EIF4H: variants seen among roughly 807,000 people sequenced by gnomAD.
The protein encoded by EIF4H is Williams-Beuren syndrome chromosome region 1.
A neutral mutation model predicts 30.6 loss-of-function variants in EIF4H; 8 were observed. The observed-to-expected ratio is 0.26, with a 90% CI of 0.15 to 0.47. EIF4H has a LOEUF of 0.47. Among genes scored for constraint, EIF4H ranks in the 20% least tolerant of loss-of-function variants. The pLI is 0.99. For synonymous variants in EIF4H, 106 were observed against 122.7 expected (o/e 0.86, Z 0.90); for missense variants, 188 against 339.5 (o/e 0.55, Z 3.51).
At chr7:74,175,271 C>A (rs1354597770) in intron 1 of EIF4H, among the ~76,000 whole-genome samples, 1 of 152,060 alleles carries the variant, frequency 6.6e-6, no homozygotes, top group Non-Finnish European at 1.5e-5. Flanking sequence ...GGACTCTGCA[C>A]TTTTTTTTAT....
intron 1 of EIF4H, among the ~76,000 whole-genome samples, chr7:74,184,245 G>A (rs1035385924): frequency 6.6e-5 from 10 of 152,120 alleles, no homozygotes; most frequent in Non-Finnish European, 1.2e-4. Context: ...CATCTTACTG[G>A]CATTCACCTG....
At chr7:74,192,294 G>A (rs1210018578) in intron 5 of EIF4H, among the ~76,000 whole-genome samples, 3 of 152,190 alleles carry the variant, frequency 2.0e-5, no homozygotes, top group Non-Finnish European at 2.9e-5. Flanking sequence ...CTTGTTCACT[G>A]AACTGTGTAA....
chr7:74,189,011 C>T (rs1233798431), intron 2 of EIF4H, among the ~76,000 whole-genome samples: 5 of 151,970 alleles, frequency 3.3e-5, no homozygotes, highest in Non-Finnish European at 7.4e-5. Context: ...ATACACAGGG[C>T]AAGGACGCTG....
At position 74,176,099 on chromosome 7, in the gene EIF4H, A is replaced by C. The variant is rs538037003; in HGVS notation, c.59+1657A>C. ...CCTAATAGAAAGTCTCTTTACTGTTAAGCATCTTCTATGTCTCACTTACTT... is the reference window on the plus strand; with the variant it reads ...CCTAATAGAAAGTCTCTTTACTGTTCAGCATCTTCTATGTCTCACTTACTT... On this transcript the variant is annotated intron_variant, in intron 1 of 6. Coordinates refer to ENST00000265753, the MANE Select transcript of EIF4H (RefSeq NM_022170.2). Among the ~76,000 whole-genome samples, 9 of 152,320 alleles carry C rather than the reference A, an allele frequency of 5.9e-5. 1 individual carries two copies. The highest frequency in any genetic ancestry group is 5.9e-4 in the Admixed American group (9 of 15,296).
At chr7:74,177,563 T>A (rs1800869747) in intron 1 of EIF4H, among the ~76,000 whole-genome samples, 1 of 152,182 alleles carries the variant, frequency 6.6e-6, no homozygotes, top group African/African-American at 2.4e-5. Context: ...CTGAGCATAT[T>A]TTAAGATTTG....
At chr7:74,182,831 T>C (rs1451365498) in intron 1 of EIF4H, among the ~76,000 whole-genome samples, 1 of 152,226 alleles carries the variant, frequency 6.6e-6, no homozygotes, top group Admixed American at 6.5e-5. Context: ...ACAGATCTTT[T>C]CTGGCTCACC....
Position 74,196,157 on chromosome 7 carries a change from T to C in EIF4H, c.*849T>C, listed in dbSNP as rs1420552200. 6.6e-6 allele frequency: 1 copy of C among 152,644 alleles called. No homozygotes were observed. Among genetic ancestry groups the C allele is most frequent in the Non-Finnish European group, 1.5e-5 (1 of 68,240 alleles). The allele number at this position is 152,644 out of a possible 1,614,324, so 9.5% of individuals were successfully genotyped here. A position where few individuals can be genotyped will look rare whatever the true frequency, so the allele number is the denominator to read the frequency against. The stretch of plus-strand genomic sequence containing the variant: ...TGCAGTGAATGGCCAGCGGGTTTCT[T>C]TTCTGCTGGGCCAAGGCGCTTTGGG... On this transcript the variant is annotated 3_prime_UTR_variant, in exon 7 of 7. Coordinates refer to ENST00000265753, the MANE Select transcript of EIF4H (RefSeq NM_022170.2).
chr7:74,186,788 A>ATTTTTTTTTTTTTTTTTTT (rs564794579), intron 1 of EIF4H, among the ~76,000 whole-genome samples: 2 of 70,120 alleles, frequency 2.9e-5, no homozygotes, highest in Non-Finnish European at 5.8e-5. Flanking sequence ...ACAAGGAGAA[A>ATTTTTTTTTTTTTTTTTTT]TTTTTTTTTT....
At chr7:74,185,905 T>C (rs1801069160) in intron 1 of EIF4H, among the ~76,000 whole-genome samples, 1 of 152,160 alleles carries the variant, frequency 6.6e-6, no homozygotes, top group African/African-American at 2.4e-5. Context: ...GGGTTAAATG[T>C]CTGTTTCAAA....
At chr7:74,191,678 C>G (rs1364332694) in intron 5 of EIF4H, among the ~76,000 whole-genome samples, 2 of 152,114 alleles carry the variant, frequency 1.3e-5, no homozygotes, top group Non-Finnish European at 2.9e-5. Flanking sequence ...AAAGCAAAAA[C>G]ATTTCATCAT....
At chr7:74,178,137 C>T (rs182486162) in intron 1 of EIF4H, among the ~76,000 whole-genome samples, 27 of 152,126 alleles carry the variant, frequency 1.8e-4, no homozygotes, top group Non-Finnish European at 3.2e-4. Flanking sequence ...GACAGAGTGT[C>T]TCTATGTTGC....
chr7:74,190,387 T>A (rs568618212), intron 5 of EIF4H, 81 bp downstream of exon 5: 5 of 1,365,644 alleles, frequency 3.7e-6, no homozygotes, highest in East Asian at 4.6e-5. Flanking sequence ...GTAGCCCGCC[T>A]GGCCGGACTA....
rs1442381780 is a variant in EIF4H at position 74,194,268 on chromosome 7, C to CT, written c.470-470dup. Among the ~76,000 whole-genome samples the CT allele has an allele frequency of 9.9e-5, 15 of 152,182 alleles. No homozygotes were observed. The East Asian group carries it at 2.9e-3, about 29-fold the overall frequency. On this transcript the variant is annotated intron_variant, in intron 5 of 6. Coordinates refer to ENST00000265753, the MANE Select transcript of EIF4H (RefSeq NM_022170.2). ...CGCAGCCAAAACAGGAAAATTGGGA[C>CT]TTTGTGTTTTTATTTTGTCTTCATA... is the stretch of plus-strand genomic sequence containing the variant.
intron 1 of EIF4H, among the ~76,000 whole-genome samples, chr7:74,174,749 C>T (rs114726731): frequency 0.014 from 2,089 of 152,356 alleles, 35 homozygotes; most frequent in African/African-American, 0.046. Flanking sequence ...GCGCCCGCTT[C>T]CAGCCCCATC....
At chr7:74,183,955 C>CAGT (rs1209788474) in intron 1 of EIF4H, 2 of 152,306 alleles carry the variant, frequency 1.3e-5, no homozygotes, top group East Asian at 3.9e-4. Flanking sequence ...GAAGGGACTA[C>CAGT]ATCAGGTAGG....
At chr7:74,194,212 G>T (rs1554710386) in intron 5 of EIF4H, among the ~76,000 whole-genome samples, 1 of 152,204 alleles carries the variant, frequency 6.6e-6, no homozygotes, top group African/African-American at 2.4e-5. Context: ...CCACACAGGT[G>T]CTTTGCTTGT....
chr7:74,179,661 T>A (rs2115940510), intron 1 of EIF4H, among the ~76,000 whole-genome samples: 1 of 151,888 alleles, frequency 6.6e-6, no homozygotes, highest in Admixed American at 6.6e-5. Context: ...CACTTTATCT[T>A]GTACTCCGAC....
At chr7:74,176,367 T>A (rs1554707675) in intron 1 of EIF4H, among the ~76,000 whole-genome samples, 1 of 151,888 alleles carries the variant, frequency 6.6e-6, no homozygotes, top group African/African-American at 2.4e-5. Flanking sequence ...CCTCCCAAAG[T>A]GCTGGGATTA....
In EIF4H at chr7:74,187,607, C is replaced by G. The variant is rs782479643; in HGVS notation, c.60-4C>G. The G allele has an allele frequency of 1.3e-6, 2 of 1,585,262 alleles. No individual in the cohort carries two copies. Among genetic ancestry groups the G allele is most frequent in the Admixed American group, 1.7e-5 (1 of 57,380 alleles). On this transcript the variant is annotated splice_region_variant and splice_polypyrimidine_tract_variant and intron_variant, in intron 1 of 6. Coordinates refer to ENST00000265753, the MANE Select transcript of EIF4H (RefSeq NM_022170.2). ...ACTTGAATCCTGTTTGTCTCCCCTC[C>G]TAGGTCCCGCGGCAGTGCTGGTGGC... is the stretch of plus-strand genomic sequence containing the variant.
Sources: gnomAD v4.1 joint callset for allele counts (sites outside exome capture counted in the v4.1 genomes callset) on GRCh38, gnomAD v4.1.1 for gene constraint, MANE v1.5 for transcripts, NCBI Gene and HGNC (gene_info 2026-07-23, HGNC 2026-07-21) for gene names.